Variants in RAP1A observed in about 807,000 individuals in gnomAD.
RAP1A encodes RAP1A, member of RAS oncogene family, also known as ras-related protein Rap-1A.
RAP1A carries 6 observed loss-of-function variants against 26.4 expected under a neutral mutation model. The ratio of observed to expected loss-of-function variants is 0.23; its 90% CI spans 0.12 to 0.45. The LOEUF (loss-of-function observed/expected upper bound fraction) is 0.45, where lower values mean the gene tolerates loss of function less well. Ranked by LOEUF, RAP1A falls within the 20% of genes least tolerant of loss-of-function variation. The probability of loss-of-function intolerance (pLI) is 0.99; values close to 1 mark genes in which losing one functional copy is unlikely to be tolerated. For synonymous variants in RAP1A, 73 were observed against 79.4 expected (o/e 0.92, Z 0.43); for missense variants, 121 against 217.2 (o/e 0.56, Z 2.78).
At chr1:111,645,939 T>A (rs1660051592) in intron 1 of RAP1A, among the ~76,000 whole-genome samples, 1 of 152,220 alleles carries the variant, frequency 6.6e-6, no homozygotes, top group Admixed American at 6.5e-5. Flanking sequence ...AAGCTGATGC[T>A]TCAGTGAGGT....
chr1:111,701,709 G>C (rs902662957), intron 4 of RAP1A, among the ~76,000 whole-genome samples: 1 of 152,188 alleles, frequency 6.6e-6, no homozygotes, highest in African/African-American at 2.4e-5. Context: ...TCAGAACTCA[G>C]GTTGCCTGTA....
At chr1:111,629,508 G>A (rs1034487505) in intron 1 of RAP1A, among the ~76,000 whole-genome samples, 3 of 152,142 alleles carry the variant, frequency 2.0e-5, no homozygotes, top group African/African-American at 7.2e-5. Flanking sequence ...AAAAAATACA[G>A]GCTTGTGATA....
chr1:111,607,039 T>TTTATTTATTTA (rs1246341026), intron 1 of RAP1A, among the ~76,000 whole-genome samples: 38 of 125,406 alleles, frequency 3.0e-4, no homozygotes, highest in African/African-American at 9.2e-4. Context: ...TTATTTATTT[T>TTTATTTATTTA]TATTGATTAT....
intron 1 of RAP1A, among the ~76,000 whole-genome samples, chr1:111,549,918 G>T (rs181245798): frequency 2.0e-5 from 3 of 152,170 alleles, no homozygotes; most frequent in Non-Finnish European, 2.9e-5. Context: ...CTACCAAAGT[G>T]CTGGAATTAC....
intron 1 of RAP1A, among the ~76,000 whole-genome samples, chr1:111,604,945 G>C (rs192719123): frequency 6.6e-6 from 1 of 152,260 alleles, no homozygotes; most frequent in East Asian, 1.9e-4. Flanking sequence ...GGGAGAGGAA[G>C]ATCTACCACC....
In RAP1A at chr1:111,712,994, T is replaced by A. The variant is rs1413680991; in HGVS notation, c.*593T>A. Reference sequence around the variant, plus strand: ...TAGGAAAAAAACTGGGATAACTGATTTCTATGGCTTTCAAAGCTAAAATAT... The same window carrying A: ...TAGGAAAAAAACTGGGATAACTGATATCTATGGCTTTCAAAGCTAAAATAT... On this transcript the variant is annotated 3_prime_UTR_variant, in exon 8 of 8. Coordinates refer to ENST00000369709, the MANE Select transcript of RAP1A (RefSeq NM_002884.4). The A allele has an allele frequency of 6.6e-6, 1 of 152,528 alleles. No individual in the cohort carries two copies. The highest frequency in any genetic ancestry group is 1.9e-4 in the East Asian group (1 of 5,204). 9.4% of individuals were successfully genotyped at this position (152,528 alleles called of 1,614,324 possible).
chr1:111,562,800 G>C (rs1394577514), intron 1 of RAP1A, among the ~76,000 whole-genome samples: 5 of 152,186 alleles, frequency 3.3e-5, no homozygotes, highest in African/African-American at 1.2e-4. Context: ...ACCAAGATTA[G>C]CTTTGAATTA....
At chr1:111,595,403 G>C (rs1025096217) in intron 1 of RAP1A, among the ~76,000 whole-genome samples, 2 of 152,092 alleles carry the variant, frequency 1.3e-5, no homozygotes, top group Non-Finnish European at 2.9e-5. Flanking sequence ...CAGCCCTCTA[G>C]CTGTGTATTC....
chr1:111,632,921 CAAAAAAAAA>C (rs59053038), intron 1 of RAP1A, among the ~76,000 whole-genome samples: 2 of 68,780 alleles, frequency 2.9e-5, no homozygotes, highest in Non-Finnish European at 2.7e-5. Context: ...AACTTGGTCT[CAAAAAAAAA>C]AAAAAAAAAA....
At chr1:111,605,990 C>T (rs1373754770) in intron 1 of RAP1A, among the ~76,000 whole-genome samples, 1 of 152,164 alleles carries the variant, frequency 6.6e-6, no homozygotes, top group Non-Finnish European at 1.5e-5. Context: ...ATGTCACTGT[C>T]GTCACCAGGG....
intron 4 of RAP1A, among the ~76,000 whole-genome samples, chr1:111,699,484 CAG>C (rs1661949430): frequency 1.3e-5 from 1 of 76,744 alleles, no homozygotes; most frequent in Non-Finnish European, 2.5e-5. Context: ...TTTTTTGAAA[CAG>C]GGTCTCTCTC....
intron 1 of RAP1A, among the ~76,000 whole-genome samples, chr1:111,639,956 A>T (rs1659844415): frequency 6.6e-6 from 1 of 152,250 alleles, no homozygotes; most frequent in Non-Finnish European, 1.5e-5. Context: ...GTCGAGGTTT[A>T]CCATTTAACT....
chr1:111,641,099 TACAGA>T (rs1420414356), intron 1 of RAP1A, among the ~76,000 whole-genome samples: 1 of 152,260 alleles, frequency 6.6e-6, no homozygotes, highest in Non-Finnish European at 1.5e-5. Context: ...TGTGTATCCT[TACAGA>T]AGTTTCCTGT....
At chr1:111,692,674 T>A (rs941496119) in intron 2 of RAP1A, among the ~76,000 whole-genome samples, 2 of 152,166 alleles carry the variant, frequency 1.3e-5, no homozygotes, top group African/African-American at 4.8e-5. Context: ...GCCATTAGAA[T>A]GCAATAGCTC....
intron 1 of RAP1A, among the ~76,000 whole-genome samples, chr1:111,596,071 A>G (rs1414631556): frequency 2.0e-5 from 3 of 152,256 alleles, no homozygotes; most frequent in African/African-American, 7.2e-5. Context: ...TCTTTGCTCT[A>G]CATTATGCTG....
At position 111,584,813 on chromosome 1, in the gene RAP1A, G is replaced by GA. The variant is rs1294131727; in HGVS notation, c.-28+42311dup. Reference sequence around the variant, plus strand: ...AAAAGTAGCAGCTCTGATAACTAAGGAAAAAAATAAACCCACAAATATGAG... The same window carrying GA: ...AAAAGTAGCAGCTCTGATAACTAAGGAAAAAAAATAAACCCACAAATATGAG... On this transcript the variant is annotated intron_variant, in intron 1 of 7. Transcript: ENST00000356415. Among the ~76,000 whole-genome samples, 3 of 151,856 alleles carry GA rather than the reference G, an allele frequency of 2.0e-5. No individual in the cohort carries two copies. In the East Asian group the frequency reaches 5.8e-4, roughly 29 times the overall value.
intron 1 of RAP1A, among the ~76,000 whole-genome samples, chr1:111,642,918 C>T (rs1391375855): frequency 2.0e-5 from 3 of 150,820 alleles, no homozygotes; most frequent in African/African-American, 4.9e-5. Context: ...TACAGGTGTG[C>T]GCCACCACAC....
At chr1:111,597,299 C>T (rs538388397) in intron 1 of RAP1A, among the ~76,000 whole-genome samples, 1 of 152,302 alleles carries the variant, frequency 6.6e-6, no homozygotes, top group African/African-American at 2.4e-5. Flanking sequence ...CTTAGGAAGA[C>T]AATCCCTACT....
chr1:111,626,572 A>G (rs900124031), intron 1 of RAP1A, among the ~76,000 whole-genome samples: 36 of 152,334 alleles, frequency 2.4e-4, no homozygotes, highest in African/African-American at 7.7e-4. Context: ...TAGGACAGAA[A>G]TGTGCAAATA....
Sources: allele counts gnomAD v4.1 joint callset (sites outside exome capture counted in the v4.1 genomes callset), GRCh38; gene constraint gnomAD v4.1.1; transcripts MANE v1.5; gene names NCBI Gene and HGNC (gene_info 2026-07-23, HGNC 2026-07-21).